The following CCT8 variants were observed in gnomAD, a reference collection of about 807,000 sequenced individuals.
CCT8 encodes chaperonin containing TCP1 subunit 8.
CCT8 carries 10 observed loss-of-function variants against 65.7 expected under a neutral mutation model. The ratio of observed to expected loss-of-function variants is 0.15; its 90% CI spans 0.09 to 0.26. The LOEUF is 0.26. Among genes scored for constraint, CCT8 ranks in the 10% least tolerant of loss-of-function variants. CCT8 has a pLI of 1.00. For synonymous variants in CCT8, 199 were observed against 221.8 expected (o/e 0.90, Z 0.92); for missense variants, 568 against 669.1 (o/e 0.85, Z 1.67).
At position 29,060,636 on chromosome 21, in the gene CCT8, T is replaced by C. The variant is rs1568909613; in HGVS notation, c.1474A>G (p.Met492Val). 2 of 1,613,794 alleles carry C rather than the reference T, an allele frequency of 1.2e-6. No individual in the cohort carries two copies. Among genetic ancestry groups the C allele is most frequent in the South Asian group, 1.1e-5 (1 of 91,040 alleles). The change falls in exon 14 of 15, where the codon ATG becomes GTG. Residue 492 changes from methionine (M) to valine (V), a missense_variant. Coordinates refer to ENST00000286788, the MANE Select transcript of CCT8 (RefSeq NM_006585.4). Reference sequence around the variant, plus strand: ...GTATCTAGAATACCAGCTTCCAGCATGTCCTTTACAGCAGGGACTTCAGCC... The same window carrying C: ...GTATCTAGAATACCAGCTTCCAGCACGTCCTTTACAGCAGGGACTTCAGCC... ...IEAEVPAVKDMLEAGILDTYL... is the reference protein window; with the variant it reads ...IEAEVPAVKDVLEAGILDTYL...
chr21:29,059,657 C>T (rs1003864224), intron 14 of CCT8: 1 of 152,224 alleles, frequency 6.6e-6, no homozygotes, highest in Non-Finnish European at 1.5e-5. Context: ...ACCTAATAAG[C>T]TGACAGAGAA....
rs150283390 is a variant in CCT8, at chr21:29,069,580, G to T, written c.152-78C>A. 368 of 778,390 alleles carry T rather than the reference G, an allele frequency of 4.7e-4. 4 individuals are homozygous for T. In the African/African-American group the frequency reaches 6.1e-3, roughly 13 times the overall value. 48.2% of individuals were successfully genotyped at this position (778,390 alleles called of 1,614,324 possible). On this transcript the variant is annotated intron_variant, in intron 2 of 14. Transcript: ENST00000286788. ...TTCCCCAAATACCCAGGAAAATCTA[G>T]TTAAGAAATTATAAATTTGTATATT... is the stretch of plus-strand genomic sequence containing the variant.
At chr21:29,063,302 C>G in intron 8 of CCT8, 50 bp downstream of exon 8, 1 of 1,488,160 alleles carries the variant, frequency 6.7e-7, no homozygotes, top group South Asian at 1.1e-5. Flanking sequence ...TTTTCACCAC[C>G]AAAAAACCAT....
chr21:29,072,550 T>C (rs543646038), intron 1 of CCT8, among the ~76,000 whole-genome samples: 3 of 152,274 alleles, frequency 2.0e-5, no homozygotes, highest in African/African-American at 7.2e-5. Context: ...CCACCAACAT[T>C]TACCTTGAAC....
At chr21:29,071,626 A>G (rs1316427525) in intron 1 of CCT8, among the ~76,000 whole-genome samples, 2 of 151,994 alleles carry the variant, frequency 1.3e-5, no homozygotes, top group Non-Finnish European at 2.9e-5. Flanking sequence ...GCCTCAAGTG[A>G]TCCACTGACC....
intron 8 of CCT8, 35 bp downstream of exon 8, chr21:29,063,317 G>A: frequency 6.4e-7 from 1 of 1,550,604 alleles, no homozygotes; most frequent in Non-Finnish European, 8.8e-7. Context: ...AACCATTTAT[G>A]ATATAGGTAA....
intron 2 of CCT8, 68 bp downstream of exon 2, chr21:29,070,179 G>T: frequency 1.1e-6 from 1 of 934,138 alleles, no homozygotes; most frequent in Non-Finnish European, 1.6e-6. Context: ...CTCAGAACAA[G>T]TCTGAAAGAA....
Position 29,070,344 on chromosome 21 carries a change from A to C in CCT8, c.61-7T>G, listed in dbSNP as rs1188953026. On this transcript the variant is annotated splice_polypyrimidine_tract_variant and splice_region_variant and intron_variant, in intron 1 of 14. Transcript: ENST00000286788. ...CTTCTAATCCTGAAAAGTGCTGTTA[A>C]AAAAAACAAACAAAAAACCCCGCTA... 1.3e-6 allele frequency: 2 copies of C among 1,588,066 alleles called. No individual in the cohort carries two copies. Among genetic ancestry groups the C allele is most frequent in the Admixed American group, 3.5e-5 (2 of 56,632 alleles).
At position 29,067,065 on chromosome 21, in the gene CCT8, C is replaced by T; in HGVS notation, c.388G>A (p.Glu130Lys). The change falls in exon 5 of 15, where the codon GAA becomes AAA. Residue 130 changes from glutamate (E) to lysine (K), a missense_variant. Glu to Lys is a moderately conservative substitution (Grantham distance 56, BLOSUM62 1). Transcript: ENST00000286788. ...TTTCTGCAGGCTATTTCATAACCTT[C>T]TATGACCTAAAACATAAACAACATT... ...RIGLSVSEVI[E>K]GYEIACRKAH... 1.9e-6 allele frequency: 3 copies of T among 1,604,732 alleles called. No individual in the cohort carries two copies. Among genetic ancestry groups the T allele is most frequent in the Non-Finnish European group, 2.6e-6 (3 of 1,174,906 alleles).
Position 29,067,663 on chromosome 21 carries a change from T to C in CCT8, c.274A>G (p.Met92Val), listed in dbSNP as rs2085638826. Residue 92 changes from methionine (M) to valine (V), a missense_variant, in exon 4 of 15, where the codon ATG becomes GTG. Coordinates refer to ENST00000286788, the MANE Select transcript of CCT8 (RefSeq NM_006585.4). Reference sequence around the variant, plus strand: ...CCATCTCCAACTTCTTGCTCTTGCATATGAGAAGCCATTACAATCATTTTT... The same window carrying C: ...CCATCTCCAACTTCTTGCTCTTGCACATGAGAAGCCATTACAATCATTTTT... ...AAKMIVMASH[M>V]QEQEVGDGTN... 3.6e-6 allele frequency: 5 copies of C among 1,371,648 alleles called. No individual in the cohort carries two copies. The highest frequency in any genetic ancestry group is 4.7e-6 in the Non-Finnish European group (5 of 1,057,504). 85.0% of individuals were successfully genotyped at this position (1,371,648 alleles called of 1,614,324 possible).
intron 1 of CCT8, among the ~76,000 whole-genome samples, chr21:29,072,902 A>T (rs1334344498): frequency 6.6e-6 from 1 of 152,206 alleles, no homozygotes; most frequent in Non-Finnish European, 1.5e-5. Context: ...TCTTGGTCCA[A>T]TCTCCATAAT....
chr21:29,062,636 G>C, intron 8 of CCT8, 80 bp from the exon 9 acceptor site: 2 of 1,047,660 alleles, frequency 1.9e-6, no homozygotes, highest in Non-Finnish European at 2.8e-6. Flanking sequence ...AGAGGAACCT[G>C]TATACCAGCC....
chr21:29,057,795 T>TA (rs2085519866), intron 14 of CCT8, among the ~76,000 whole-genome samples: 1 of 145,386 alleles, frequency 6.9e-6, no homozygotes, highest in Non-Finnish European at 1.5e-5. Flanking sequence ...ATATGTATGA[T>TA]ATATACATAT....
At chr21:29,073,332 G>A in intron 1 of CCT8, 199 bp downstream of exon 1, 1 of 1,415,826 alleles carries the variant, frequency 7.1e-7, no homozygotes, top group Non-Finnish European at 9.2e-7. Context: ...GCCTTCTCCC[G>A]GTCGCGGAAG....
intron 11 of CCT8, among the ~76,000 whole-genome samples, 174 bp downstream of exon 11, chr21:29,061,954 A>G (rs1191273650): frequency 6.6e-6 from 1 of 152,214 alleles, no homozygotes; most frequent in Non-Finnish European, 1.5e-5. Context: ...AAACTATCAT[A>G]TTCACTAACA....
chr21:29,066,163 A>G (rs546842079), intron 6 of CCT8, among the ~76,000 whole-genome samples: 1 of 152,268 alleles, frequency 6.6e-6, no homozygotes, highest in African/African-American at 2.4e-5. Context: ...ATGACTTTAT[A>G]AGGAGATAAT....
Position 29,067,801 on chromosome 21 carries a change from G to A in CCT8, c.232-96C>T, listed in dbSNP as rs547744267. On this transcript the variant is annotated intron_variant, in intron 3 of 14. Transcript: ENST00000286788. ...CTTAAATAGACTCAATTTTCTTGTAGATTAGGTAACTCCATCTGATCACAC... is the reference window on the plus strand; with the variant it reads ...CTTAAATAGACTCAATTTTCTTGTAAATTAGGTAACTCCATCTGATCACAC... 3.9e-5 allele frequency: 35 copies of A among 895,636 alleles called. No homozygotes were observed. In the East Asian group the frequency reaches 1.0e-3, roughly 26 times the overall value. The allele number at this position is 895,636 out of a possible 1,614,324, so 55.5% of individuals were successfully genotyped here.
chr21:29,056,528 C>A lies in CCT8; in HGVS notation c.1594G>T (p.Gly532Trp). The change falls in exon 15 of 15, where the codon GGG (glycine) becomes TGG (tryptophan). Residue 532 changes from glycine to tryptophan, a missense_variant. Gly to Trp is a radical substitution (Grantham distance 184). Transcript: ENST00000286788. ...DQIIMAKPAG[G>W]PKPPSGKKDW... ...TTCTTCCCACTTGGAGGCTTGGGCCCACCAGCTGGTTTTGCCATGATGATC... is the reference window on the plus strand; with the variant it reads ...TTCTTCCCACTTGGAGGCTTGGGCCAACCAGCTGGTTTTGCCATGATGATC... 2 of 1,554,386 alleles carry A rather than the reference C, an allele frequency of 1.3e-6. No individual in the cohort carries two copies. Among genetic ancestry groups the A allele is most frequent in the Non-Finnish European group, 1.7e-6 (2 of 1,150,330 alleles).
rs2085686745 is a variant in CCT8 at position 29,072,072 on chromosome 21, C to T, written c.60+1459G>A. 3 of 649,344 alleles carry T rather than the reference C, an allele frequency of 4.6e-6. No homozygotes were observed. The African/African-American group carries it at 5.5e-5, about 12-fold the overall frequency. The allele number at this position is 649,344 out of a possible 1,614,324, so 40.2% of individuals were successfully genotyped here. On this transcript the variant is annotated intron_variant, in intron 1 of 14. Transcript: ENST00000286788. ...GTCTTTGTACTAGTTAGTCCCTGAG[C>T]CTGGCATTTCCCCCTAAGTAAGAGG...
Sources: allele counts gnomAD v4.1 joint callset (sites outside exome capture counted in the v4.1 genomes callset), GRCh38; gene constraint gnomAD v4.1.1; transcripts MANE v1.5; gene names NCBI Gene and HGNC (gene_info 2026-07-23, HGNC 2026-07-21).